Variants in ITGB8 observed in about 807,000 individuals in gnomAD.
ITGB8 encodes integrin beta-8.
ITGB8 carries 30 observed loss-of-function variants against 89.5 expected under a neutral mutation model. The ratio of observed to expected loss-of-function variants is 0.34; its 90% CI spans 0.25 to 0.45. The LOEUF is 0.45. Ranked by LOEUF, ITGB8 falls within the 20% of genes least tolerant of loss-of-function variation. The pLI is 1.00. For missense variants in ITGB8, 836 were observed against 933.3 expected, an observed-to-expected ratio of 0.90 and a Z score of 1.36; for synonymous variants, 335 against 320.4, an observed-to-expected ratio of 1.05 and a Z score of -0.49.
intron 1 of ITGB8, among the ~76,000 whole-genome samples, chr7:20,342,276 C>T (rs1465209621): frequency 1.3e-5 from 2 of 152,154 alleles, no homozygotes; most frequent in African/African-American, 2.4e-5. Context: ...TGTTAGGGCT[C>T]TGTATTGACA....
chr7:20,343,332 CA>C (rs1408789519), intron 1 of ITGB8, among the ~76,000 whole-genome samples: 1 of 152,190 alleles, frequency 6.6e-6, no homozygotes, highest in Non-Finnish European at 1.5e-5. Flanking sequence ...AAGATGCAAT[CA>C]TGTAATAAAA....
chr7:20,333,633 T>C (rs541523158), intron 1 of ITGB8, among the ~76,000 whole-genome samples: 1 of 152,294 alleles, frequency 6.6e-6, no homozygotes, highest in South Asian at 2.1e-4. Flanking sequence ...TGAAAAAGCA[T>C]TGCATTTCTA....
chr7:20,406,422 C>T (rs909650719), intron 12 of ITGB8, among the ~76,000 whole-genome samples: 1 of 151,910 alleles, frequency 6.6e-6, no homozygotes, highest in African/African-American at 2.4e-5. Flanking sequence ...CAGTGGCGGG[C>T]ACCTGTAGTC....
rs370536005 is a variant in ITGB8 at position 20,353,744 on chromosome 7, T to C, written c.128-9893T>C. ...GTCAGGAGATCGAGACCATCCTGGC[T>C]AACACGGTGAAACCCCGTCTCTACT... is the stretch of plus-strand genomic sequence containing the variant. On this transcript the variant is annotated intron_variant, in intron 1 of 13. Transcript: ENST00000222573. 5.4e-4 allele frequency among the ~76,000 whole-genome samples: 79 copies of C among 147,436 alleles called. 4 individuals are homozygous for C. The highest frequency in any genetic ancestry group is 2.0e-3 in the African/African-American group (73 of 37,432).
chr7:20,339,360 C>T (rs536661305), intron 1 of ITGB8, among the ~76,000 whole-genome samples: 14 of 152,114 alleles, frequency 9.2e-5, no homozygotes, highest in South Asian at 6.2e-4. Flanking sequence ...GACTATTTTT[C>T]GACTTAAAGT....
intron 1 of ITGB8, chr7:20,346,605 G>C (rs1784932700): frequency 1.7e-6 from 1 of 573,386 alleles, no homozygotes; most frequent in Non-Finnish European, 2.2e-6. Context: ...GGAAGGAAGA[G>C]ACAAGGTCTG....
chr7:20,364,714 C>T (rs1440480134), intron 2 of ITGB8: 2 of 152,234 alleles, frequency 1.3e-5, no homozygotes, highest in East Asian at 1.9e-4. Context: ...AGGACAACTT[C>T]AGAGTTTCTG....
At chr7:20,379,703 A>T (rs1366385597) in intron 4 of ITGB8, 1 of 152,564 alleles carries the variant, frequency 6.6e-6, no homozygotes, top group Admixed American at 6.5e-5. Flanking sequence ...GTTTGTGCCA[A>T]CACGTCATCT....
upstream of ITGB8, among the ~76,000 whole-genome samples, chr7:20,330,228 C>A (rs1341336896): frequency 6.6e-6 from 1 of 152,228 alleles, no homozygotes; most frequent in Non-Finnish European, 1.5e-5. Flanking sequence ...ACTGGTCCAA[C>A]TCTCCAAAGG....
At chr7:20,376,397 C>A (rs1382488885) in intron 3 of ITGB8, among the ~76,000 whole-genome samples, 2 of 152,108 alleles carry the variant, frequency 1.3e-5, no homozygotes, top group Non-Finnish European at 2.9e-5. Flanking sequence ...GGCATCTTGT[C>A]CAAAATAGTT....
chr7:20,401,518 C>A (rs1375256134), intron 9 of ITGB8, among the ~76,000 whole-genome samples: 4 of 152,106 alleles, frequency 2.6e-5, no homozygotes, highest in Admixed American at 6.6e-5. Context: ...TATTCTTTAA[C>A]CCTCAAGTTC....
At chr7:20,397,207 T>G (rs925755129) in intron 8 of ITGB8, among the ~76,000 whole-genome samples, 4 of 147,996 alleles carry the variant, frequency 2.7e-5, no homozygotes, top group African/African-American at 1.0e-4. Flanking sequence ...CCTAACTAGC[T>G]AAGATCTTTT....
intron 1 of ITGB8, among the ~76,000 whole-genome samples, chr7:20,353,931 CAAAAAAAAAA>C (rs1158594685): frequency 7.2e-5 from 4 of 55,720 alleles, no homozygotes; most frequent in Admixed American, 3.0e-4. Context: ...GACTCCGTCT[CAAAAAAAAAA>C]AAAAAAAAAA....
At chr7:20,404,268 T>G (rs894343888) in intron 10 of ITGB8, among the ~76,000 whole-genome samples, 5 of 152,166 alleles carry the variant, frequency 3.3e-5, no homozygotes, top group Non-Finnish European at 4.4e-5. Flanking sequence ...CTTTTCTAAT[T>G]TCAAGTCAGG....
At position 20,331,560 on chromosome 7, in the gene ITGB8, T is replaced by C. The variant is rs866640796; in HGVS notation, c.-247T>C. The C allele has an allele frequency of 4.7e-5, 21 of 450,838 alleles. No homozygotes were observed. The highest frequency in any genetic ancestry group is 4.1e-4 in the African/African-American group (20 of 48,998). 27.9% of individuals were successfully genotyped at this position (450,838 alleles called of 1,614,324 possible). ...CGGGGCCCTTGGCCGTCGAAGGAGGTGCTTCTCGCGGAGACCGCGGGACCC... is the reference window on the plus strand; with the variant it reads ...CGGGGCCCTTGGCCGTCGAAGGAGGCGCTTCTCGCGGAGACCGCGGGACCC... On this transcript the variant is annotated 5_prime_UTR_variant, in exon 1 of 14. Coordinates refer to ENST00000222573, the MANE Select transcript of ITGB8 (RefSeq NM_002214.3).
At position 20,411,953 on chromosome 7, in the gene ITGB8, G is replaced by A. The variant is rs574710964; in HGVS notation, c.*1956G>A. 6.6e-6 allele frequency: 1 copy of A among 152,582 alleles called. No individual in the cohort carries two copies. The highest frequency in any genetic ancestry group is 2.4e-5 in the African/African-American group (1 of 41,432). The allele number at this position is 152,582 out of a possible 1,614,324, so 9.5% of individuals were successfully genotyped here. On this transcript the variant is annotated 3_prime_UTR_variant, in exon 14 of 14. Coordinates refer to ENST00000222573, the MANE Select transcript of ITGB8 (RefSeq NM_002214.3). ...GGACTTAGTCTGATTTTATTGGCTA[G>A]GAGTCTAACAGTCCTGTGTGGATAT...
intron 1 of ITGB8, among the ~76,000 whole-genome samples, chr7:20,353,946 A>AAAG (rs1554302719): frequency 2.0e-5 from 3 of 150,858 alleles, no homozygotes; most frequent in South Asian, 2.1e-4. Context: ...AAAAAAAAAA[A>AAAG]AAAAAAAAAA....
In ITGB8 at chr7:20,331,784, C is replaced by T. The variant is rs769611576; in HGVS notation, c.-23C>T. ...GTCCGGAAGGCAGTCAGGCGGCGGG[C>T]GCGGGGCGGGCTGTTTTGCATTATG... On this transcript the variant is annotated 5_prime_UTR_variant, in exon 1 of 14. Transcript: ENST00000222573. The T allele has an allele frequency of 1.2e-6, 2 of 1,603,938 alleles. No individual in the cohort carries two copies. The highest frequency in any genetic ancestry group is 2.2e-5 in the South Asian group (2 of 90,260).
At chr7:20,403,863 C>T (rs183882826) in intron 10 of ITGB8, among the ~76,000 whole-genome samples, 1 of 152,104 alleles carries the variant, frequency 6.6e-6, no homozygotes, top group East Asian at 1.9e-4. Context: ...TGAAATGTAC[C>T]CCCTTTTGAC....
Sources: allele counts gnomAD v4.1 joint callset (sites outside exome capture counted in the v4.1 genomes callset), GRCh38; gene constraint gnomAD v4.1.1; transcripts MANE v1.5; gene names NCBI Gene and HGNC (gene_info 2026-07-23, HGNC 2026-07-21).